Variants in GRIK2 observed in about 807,000 individuals in gnomAD.
The protein encoded by GRIK2 is glutamate ionotropic receptor kainate type subunit 2.
Under a neutral mutation model 100.3 loss-of-function variants are expected in GRIK2, and 32 were observed. The ratio of observed to expected loss-of-function variants is 0.32; its 90% confidence interval spans 0.24 to 0.43. The LOEUF (loss-of-function observed/expected upper bound fraction) is 0.43, where lower values mean the gene tolerates loss of function less well. Ranked by LOEUF, GRIK2 falls within the 20% of genes least tolerant of loss-of-function variation. The pLI, the probability that GRIK2 is intolerant of heterozygous loss-of-function variation, is 1.00. For synonymous variants in GRIK2, 417 were observed against 389.4 expected (o/e 1.07, Z -0.83); for missense variants, 843 against 1,114.9 (o/e 0.76, Z 3.47).
At chr6:101,971,647 C>T (rs992811322) in intron 14 of GRIK2, among the ~76,000 whole-genome samples, 3 of 152,028 alleles carry the variant, frequency 2.0e-5, no homozygotes, top group Admixed American at 2.0e-4. Context: ...GTGGTAGATA[C>T]AAATAGTTTT....
intron 2 of GRIK2, among the ~76,000 whole-genome samples, chr6:101,583,774 C>T (rs548806655): frequency 6.6e-6 from 1 of 151,980 alleles, no homozygotes; most frequent in East Asian, 1.9e-4. Context: ...CCTTTCATTT[C>T]ATTTGGTGCT....
rs7770445 is a variant in GRIK2, at chr6:101,841,964, G to A, written c.1318-17323G>A. ...GTCAGAATCTGGTTTTGAATCGTGA[G>A]CCTGCCACTTAGTAGTTGATTTACT... On this transcript the variant is annotated intron_variant, in intron 10 of 16. Transcript: ENST00000369134. Among the ~76,000 whole-genome samples, 434 of 152,234 alleles carry A rather than the reference G, an allele frequency of 2.9e-3. 1 individual carries two copies. Among genetic ancestry groups the A allele is most frequent in the African/African-American group, 9.7e-3 (405 of 41,562 alleles).
chr6:101,431,885 TC>T (rs1170080383), intron 2 of GRIK2, among the ~76,000 whole-genome samples: 15 of 152,288 alleles, frequency 9.8e-5, no homozygotes, highest in African/African-American at 3.6e-4. Context: ...GCACTTTTTT[TC>T]AGGCATGGAT....
Position 101,963,589 on chromosome 6 carries a change from T to C in GRIK2, c.2085+34957T>C, listed in dbSNP as rs1265102942. ...GGATGATCTTGATCTCCTGACCTCG[T>C]GATCCACCCGCCTCGCCCTCCCAAA... On this transcript the variant is annotated intron_variant, in intron 14 of 16. Transcript: ENST00000369134. Among the ~76,000 whole-genome samples the C allele has an allele frequency of 2.0e-5, 3 of 148,264 alleles. No individual in the cohort carries two copies. The East Asian group carries it at 5.9e-4, about 29-fold the overall frequency.
intron 2 of GRIK2, among the ~76,000 whole-genome samples, chr6:101,426,616 A>T (rs919204795): frequency 6.6e-6 from 1 of 152,184 alleles, no homozygotes; most frequent in African/African-American, 2.4e-5. Context: ...AAAAGTATCA[A>T]ATATTAAAAA....
At chr6:102,054,538 T>C (rs1771372058) in intron 15 of GRIK2, among the ~76,000 whole-genome samples, 3 of 152,112 alleles carry the variant, frequency 2.0e-5, no homozygotes, top group African/African-American at 7.2e-5. Context: ...TTCTGGTCAA[T>C]GAATTAGCAG....
intron 12 of GRIK2, among the ~76,000 whole-genome samples, chr6:101,895,834 T>C (rs1047682041): frequency 6.6e-6 from 1 of 151,738 alleles, no homozygotes; most frequent in Non-Finnish European, 1.5e-5. Flanking sequence ...TCTTCACACT[T>C]AGCAATTTTC....
intron 7 of GRIK2, among the ~76,000 whole-genome samples, chr6:101,755,037 C>T (rs1777039258): frequency 6.6e-6 from 1 of 151,826 alleles, no homozygotes. Flanking sequence ...GGCCAATGGC[C>T]GACACCAACA....
chr6:102,065,931 A>T, intron 16 of GRIK2: 1 of 1,381,366 alleles, frequency 7.2e-7, no homozygotes, highest in South Asian at 1.7e-5. Flanking sequence ...ATCTAATAGT[A>T]GGTATTAAGC....
chr6:101,568,976 G>A (rs1281623330), intron 2 of GRIK2, among the ~76,000 whole-genome samples: 10 of 151,954 alleles, frequency 6.6e-5, no homozygotes, highest in East Asian at 1.9e-4. Flanking sequence ...CCATTACAGA[G>A]CTGGAGTAGG....
intron 2 of GRIK2, among the ~76,000 whole-genome samples, chr6:101,447,748 A>T (rs2128248070): frequency 6.6e-6 from 1 of 151,710 alleles, no homozygotes; most frequent in African/African-American, 2.4e-5. Context: ...TTTTTGGGGC[A>T]ATTCATATTG....
At chr6:101,532,725 G>C (rs1352970217) in intron 2 of GRIK2, among the ~76,000 whole-genome samples, 1 of 151,322 alleles carries the variant, frequency 6.6e-6, no homozygotes, top group East Asian at 1.9e-4. Context: ...ATATATAATG[G>C]AATCTTAAAA....
At chr6:101,476,390 A>T (rs1396615550) in intron 2 of GRIK2, among the ~76,000 whole-genome samples, 1 of 152,150 alleles carries the variant, frequency 6.6e-6, no homozygotes, top group Non-Finnish European at 1.5e-5. Context: ...TATTCTCAAG[A>T]TAAGAAGCCA....
intron 2 of GRIK2, among the ~76,000 whole-genome samples, chr6:101,545,313 A>T (rs1452292864): frequency 6.6e-6 from 1 of 152,126 alleles, no homozygotes; most frequent in African/African-American, 2.4e-5. Flanking sequence ...GTTTTCTCTC[A>T]CAAAACAAAG....
chr6:101,999,751 C>G (rs1352304539), intron 14 of GRIK2, among the ~76,000 whole-genome samples: 3 of 151,898 alleles, frequency 2.0e-5, no homozygotes, highest in Non-Finnish European at 4.4e-5. Flanking sequence ...TCCTTTTTTC[C>G]TATCAAAGGG....
intron 11 of GRIK2, among the ~76,000 whole-genome samples, chr6:101,860,246 G>T (rs1261583401): frequency 6.6e-6 from 1 of 151,794 alleles, no homozygotes; most frequent in Admixed American, 6.6e-5. Flanking sequence ...TCTTACAAAG[G>T]GTTGCAGCAT....
intron 10 of GRIK2, among the ~76,000 whole-genome samples, chr6:101,820,086 A>G (rs116883145): frequency 1.5e-3 from 233 of 152,296 alleles, no homozygotes; most frequent in Non-Finnish European, 2.7e-3. Flanking sequence ...TTAGCCTGCT[A>G]CATAGTTTTG....
intron 7 of GRIK2, among the ~76,000 whole-genome samples, chr6:101,710,546 A>AT (rs1267717528): frequency 1.3e-5 from 2 of 151,832 alleles, no homozygotes; most frequent in African/African-American, 2.4e-5. Flanking sequence ...TTTTGTAAAT[A>AT]TTTTTGTCAT....
chr6:101,476,800 C>A (rs1408362954), intron 2 of GRIK2, among the ~76,000 whole-genome samples: 1 of 152,114 alleles, frequency 6.6e-6, no homozygotes, highest in Admixed American at 6.5e-5. Context: ...TCCATGCACA[C>A]TATGTTCAAC....
Sources: gnomAD v4.1 joint callset for allele counts (sites outside exome capture counted in the v4.1 genomes callset) on GRCh38, gnomAD v4.1.1 for gene constraint, MANE v1.5 for transcripts, NCBI Gene and HGNC (gene_info 2026-07-23, HGNC 2026-07-21) for gene names.